Variants in LRRC1 observed in about 807,000 individuals in gnomAD.
The protein encoded by LRRC1 is leucine rich repeat containing 1.
In LRRC1, 28 loss-of-function variants were observed where a neutral mutation model predicts 69.9. That is an observed-to-expected ratio of 0.40 (90% CI 0.30 to 0.55). The LOEUF is 0.55. Among genes scored for constraint, LRRC1 ranks in the 20% least tolerant of loss-of-function variants. The pLI is 0.47. For missense variants in LRRC1, 498 were observed against 609.0 expected, an observed-to-expected ratio of 0.82 and a Z score of 1.92; for synonymous variants, 236 against 240.2, an observed-to-expected ratio of 0.98 and a Z score of 0.16.
chr6:53,798,968 C>G (rs569387473), intron 1 of LRRC1, among the ~76,000 whole-genome samples: 3 of 152,346 alleles, frequency 2.0e-5, no homozygotes, highest in African/African-American at 7.2e-5. Context: ...CTTCCTCAGC[C>G]TTTCACATGC....
chr6:53,837,267 TCA>T (rs1421347051), intron 1 of LRRC1, among the ~76,000 whole-genome samples: 3 of 152,072 alleles, frequency 2.0e-5, no homozygotes, highest in Non-Finnish European at 4.4e-5. Context: ...GGTAACAAAG[TCA>T]CAGTCACTTT....
At chr6:53,832,179 A>G (rs2127412837) in intron 1 of LRRC1, among the ~76,000 whole-genome samples, 1 of 152,316 alleles carries the variant, frequency 6.6e-6, no homozygotes, top group East Asian at 1.9e-4. Flanking sequence ...TCTCGGAAGA[A>G]GCATAACAGA....
intron 8 of LRRC1, 45 bp from the exon 9 acceptor site, chr6:53,902,584 T>C (rs1304191406): frequency 8.4e-7 from 1 of 1,186,488 alleles, no homozygotes; most frequent in East Asian, 2.4e-5. Flanking sequence ...ATGAAAATAA[T>C]TGTAACTAAT....
At chr6:53,796,772 A>G (rs1278112819) in intron 1 of LRRC1, among the ~76,000 whole-genome samples, 1 of 152,200 alleles carries the variant, frequency 6.6e-6, no homozygotes, top group Non-Finnish European at 1.5e-5. Flanking sequence ...TAGAAGCAGC[A>G]AAGCCATCAA....
At chr6:53,907,918 C>T (rs9382253) in intron 10 of LRRC1, among the ~76,000 whole-genome samples, 30,883 of 151,958 alleles carry the variant, frequency 0.2, 3,887 homozygotes, top group East Asian at 0.59. Flanking sequence ...GTAAGTTTGT[C>T]GGCACAAATC....
At position 53,922,870 on chromosome 6, in the gene LRRC1, C is replaced by T. The variant is rs1768781322; in HGVS notation, c.*77C>T. ...TCCTGTCTGCTTCCCGGGAGCCTCA[C>T]GTGCTCCTTGTCCTAACCAGCCCCC... On this transcript the variant is annotated 3_prime_UTR_variant, in exon 14 of 14. Coordinates refer to ENST00000370888, the MANE Select transcript of LRRC1 (RefSeq NM_018214.5). The T allele has an allele frequency of 1.3e-5, 19 of 1,445,590 alleles. No individual in the cohort carries two copies. Among genetic ancestry groups the T allele is most frequent in the Non-Finnish European group, 1.5e-5 (16 of 1,051,280 alleles). The allele number at this position is 1,445,590 out of a possible 1,614,324, so 89.5% of individuals were successfully genotyped here. A position where few individuals can be genotyped will look rare whatever the true frequency, so the allele number is the denominator to read the frequency against.
intron 2 of LRRC1, among the ~76,000 whole-genome samples, chr6:53,856,489 A>G (rs578135229): frequency 2.6e-4 from 40 of 152,248 alleles, no homozygotes; most frequent in African/African-American, 9.4e-4. Context: ...GAAACATGAC[A>G]CTTAGGCTCT....
At chr6:53,838,829 A>G (rs367545164) in intron 1 of LRRC1, among the ~76,000 whole-genome samples, 3 of 152,232 alleles carry the variant, frequency 2.0e-5, no homozygotes, top group South Asian at 4.1e-4. Context: ...GCTAATTGGT[A>G]GCATTCATTT....
intron 13 of LRRC1, among the ~76,000 whole-genome samples, chr6:53,922,430 T>C (rs1768766123): frequency 6.6e-6 from 1 of 152,222 alleles, no homozygotes. Context: ...AGTAACTAGG[T>C]AAGTTACATG....
At chr6:53,816,358 A>G (rs1036630424) in intron 1 of LRRC1, among the ~76,000 whole-genome samples, 11 of 152,088 alleles carry the variant, frequency 7.2e-5, no homozygotes, top group Non-Finnish European at 1.5e-4. Context: ...TACCTACTAT[A>G]CGTTAAAAAT....
At chr6:53,900,012 T>A in intron 8 of LRRC1, 121 bp downstream of exon 8, 2 of 552,684 alleles carry the variant, frequency 3.6e-6, no homozygotes, top group Non-Finnish European at 5.8e-6. Flanking sequence ...CCTTAAAGTC[T>A]CCTTACTGTT....
intron 1 of LRRC1, among the ~76,000 whole-genome samples, chr6:53,837,538 G>A (rs1224423465): frequency 6.6e-6 from 1 of 152,162 alleles, no homozygotes; most frequent in Non-Finnish European, 1.5e-5. Context: ...TTATAGTTAG[G>A]AGTCCCATAG....
chr6:53,872,346 G>A (rs552825010), intron 2 of LRRC1, among the ~76,000 whole-genome samples: 62 of 152,188 alleles, frequency 4.1e-4, no homozygotes, highest in African/African-American at 1.5e-3. Context: ...GTGAGATTTT[G>A]GTTCAACCAT....
chr6:53,890,197 T>C (rs1767629345), intron 4 of LRRC1, among the ~76,000 whole-genome samples: 2 of 152,196 alleles, frequency 1.3e-5, no homozygotes, highest in Admixed American at 1.3e-4. Flanking sequence ...TATGTTAGCC[T>C]AAATATCTCT....
At chr6:53,846,927 T>G (rs1765965934) in intron 2 of LRRC1, among the ~76,000 whole-genome samples, 1 of 152,234 alleles carries the variant, frequency 6.6e-6, no homozygotes, top group African/African-American at 2.4e-5. Context: ...TTCTTAATGC[T>G]TCATGATTCC....
chr6:53,883,080 G>A, intron 4 of LRRC1, 104 bp downstream of exon 4: 4 of 682,900 alleles, frequency 5.9e-6, no homozygotes, highest in Non-Finnish European at 9.9e-6. Context: ...TACTCAGAAA[G>A]CCATTTACTC....
chr6:53,873,293 T>TC (rs1310937185), intron 2 of LRRC1, among the ~76,000 whole-genome samples: 94 of 151,098 alleles, frequency 6.2e-4, no homozygotes, highest in African/African-American at 2.2e-3. Flanking sequence ...ATTTTTCTTT[T>TC]TTTTTTTTTT....
chr6:53,842,250 T>C (rs1361836612), intron 2 of LRRC1, 23 bp downstream of exon 2: 1 of 1,542,560 alleles, frequency 6.5e-7, no homozygotes, highest in African/African-American at 1.4e-5. Flanking sequence ...CCACTTGGGT[T>C]GCCTATTTGT....
At chr6:53,906,051 A>C (rs1271374762) in intron 10 of LRRC1, among the ~76,000 whole-genome samples, 3 of 152,208 alleles carry the variant, frequency 2.0e-5, no homozygotes, top group Non-Finnish European at 4.4e-5. Flanking sequence ...GATGTAGAAA[A>C]TATTTCTTTC....
Sources: gnomAD v4.1 joint callset for allele counts (sites outside exome capture counted in the v4.1 genomes callset) on GRCh38, gnomAD v4.1.1 for gene constraint, MANE v1.5 for transcripts, NCBI Gene and HGNC (gene_info 2026-07-23, HGNC 2026-07-21) for gene names.